CA10: variants seen among roughly 807,000 people sequenced by gnomAD.
CA10 encodes the protein carbonic anhydrase-related protein 10.
CA10 carries 14 observed loss-of-function variants against 44.2 expected under a neutral mutation model. The observed-to-expected ratio is 0.32, with a 90% CI of 0.21 to 0.50. The LOEUF (loss-of-function observed/expected upper bound fraction) is 0.50. Among genes scored for constraint, CA10 ranks in the 20% least tolerant of loss-of-function variants. The pLI, the probability that CA10 is intolerant of heterozygous loss-of-function variation, is 0.99. For missense variants in CA10, 350 were observed against 409.7 expected, an observed-to-expected ratio of 0.85 and a Z score of 1.26; for synonymous variants, 159 against 141.6, an observed-to-expected ratio of 1.12 and a Z score of -0.87.
intron 1 of CA10, among the ~76,000 whole-genome samples, chr17:52,136,872 G>A (rs1989371476): frequency 1.3e-5 from 2 of 152,058 alleles, no homozygotes; most frequent in Non-Finnish European, 2.9e-5. Context: ...AATAAATTTT[G>A]CACCTAGATT....
At chr17:51,643,422 C>T (rs930448686) in intron 6 of CA10, among the ~76,000 whole-genome samples, 3 of 152,086 alleles carry the variant, frequency 2.0e-5, no homozygotes, top group Non-Finnish European at 4.4e-5. Context: ...TAGTCTTAAC[C>T]CCCAGTCTGT....
intron 3 of CA10, among the ~76,000 whole-genome samples, chr17:51,862,087 T>C (rs776343169): frequency 5.3e-5 from 8 of 152,214 alleles, no homozygotes; most frequent in Non-Finnish European, 8.8e-5. Context: ...CTAATGCCAT[T>C]AATGTTTGCC....
chr17:51,922,774 C>A (rs1188883747), intron 3 of CA10, among the ~76,000 whole-genome samples: 2 of 152,040 alleles, frequency 1.3e-5, no homozygotes, highest in Non-Finnish European at 2.9e-5. Flanking sequence ...TAAAAATCTG[C>A]CTTTTGAAGT....
intron 3 of CA10, among the ~76,000 whole-genome samples, chr17:51,924,263 G>A (rs932625435): frequency 1.3e-4 from 20 of 152,062 alleles, no homozygotes; most frequent in Non-Finnish European, 1.8e-4. Flanking sequence ...AAGGAGAGAT[G>A]CATTCACTTT....
intron 3 of CA10, chr17:51,748,396 A>G: frequency 1.2e-6 from 1 of 827,116 alleles, no homozygotes; most frequent in Non-Finnish European, 1.5e-6. Flanking sequence ...GATTCACTCA[A>G]ACTTCCAATT....
chr17:51,649,725 G>T (rs951330970), intron 5 of CA10, among the ~76,000 whole-genome samples: 4 of 152,194 alleles, frequency 2.6e-5, no homozygotes, highest in Non-Finnish European at 4.4e-5. Context: ...TGAGGGTATG[G>T]GGAAGGATAG....
Position 51,811,820 on chromosome 17 carries a change from C to T in CA10, c.280-64002G>A, listed in dbSNP as rs567284045. Among the ~76,000 whole-genome samples, 4 of 152,270 alleles carry T rather than the reference C, an allele frequency of 2.6e-5. No homozygotes were observed. The East Asian group carries it at 7.7e-4, about 29-fold the overall frequency. On this transcript the variant is annotated intron_variant, in intron 3 of 8. Coordinates refer to ENST00000451037, the MANE Select transcript of CA10 (RefSeq NM_020178.5). ...AATGGTTTACTAATTACAGTTTTAA[C>T]CCTGCTGCATTCTTCCAGCTGTGTA...
chr17:52,135,511 T>C (rs1989336553), intron 1 of CA10, among the ~76,000 whole-genome samples: 1 of 152,194 alleles, frequency 6.6e-6, no homozygotes, highest in Non-Finnish European at 1.5e-5. Context: ...TCTCCTTTCA[T>C]GAATATTCAT....
intron 3 of CA10, among the ~76,000 whole-genome samples, chr17:51,834,732 G>A (rs1421035813): frequency 1.3e-5 from 2 of 152,160 alleles, no homozygotes; most frequent in Non-Finnish European, 2.9e-5. Flanking sequence ...CCTTGAGCAC[G>A]TTGTTGAAAT....
chr17:51,785,444 A>T (rs1386814448), intron 3 of CA10, among the ~76,000 whole-genome samples: 1 of 152,242 alleles, frequency 6.6e-6, no homozygotes, highest in Non-Finnish European at 1.5e-5. Flanking sequence ...CATCAGAGAA[A>T]TGCAAATCAA....
intron 1 of CA10, among the ~76,000 whole-genome samples, chr17:52,145,940 G>A (rs1186014107): frequency 6.6e-6 from 1 of 151,900 alleles, no homozygotes; most frequent in Non-Finnish European, 1.5e-5. Flanking sequence ...AAAAACAAAT[G>A]CCAAAAAATG....
At chr17:51,729,000 T>C (rs1335945612) in intron 4 of CA10, among the ~76,000 whole-genome samples, 1 of 152,062 alleles carries the variant, frequency 6.6e-6, no homozygotes, top group East Asian at 1.9e-4. Flanking sequence ...GGGAGGAGCA[T>C]GCTAGAGAGA....
chr17:51,672,249 C>A (rs1305346379), intron 4 of CA10, among the ~76,000 whole-genome samples: 1 of 152,212 alleles, frequency 6.6e-6, no homozygotes, highest in Non-Finnish European at 1.5e-5. Context: ...ACCACCACCA[C>A]GATGATGGCT....
chr17:51,769,977 T>A (rs1362768405), intron 3 of CA10, among the ~76,000 whole-genome samples: 1 of 152,096 alleles, frequency 6.6e-6, no homozygotes, highest in Non-Finnish European at 1.5e-5. Flanking sequence ...ACTCTGAGTC[T>A]TTTTTAGGCC....
chr17:51,819,273 G>C (rs150156961), intron 3 of CA10, among the ~76,000 whole-genome samples: 1 of 152,290 alleles, frequency 6.6e-6, no homozygotes, highest in Non-Finnish European at 1.5e-5. Flanking sequence ...GATCTCTTGT[G>C]GATGCCTTCT....
chr17:51,671,634 G>A (rs1019226148), intron 4 of CA10, among the ~76,000 whole-genome samples: 1 of 152,012 alleles, frequency 6.6e-6, no homozygotes, highest in East Asian at 1.9e-4. Flanking sequence ...TCGATCTCCT[G>A]ACTTCATGAT....
intron 3 of CA10, among the ~76,000 whole-genome samples, chr17:51,775,553 A>G (rs1905787684): frequency 6.6e-6 from 1 of 152,170 alleles, no homozygotes. Context: ...TATTCCACAC[A>G]TATTTATTGT....
chr17:52,082,995 A>G (rs972874315), intron 1 of CA10, among the ~76,000 whole-genome samples: 10 of 152,208 alleles, frequency 6.6e-5, no homozygotes, highest in Non-Finnish European at 1.5e-4. Flanking sequence ...TCAGATCCCA[A>G]GAGTACAAGT....
chr17:52,129,582 G>C (rs1271387066), intron 1 of CA10, among the ~76,000 whole-genome samples: 1 of 152,210 alleles, frequency 6.6e-6, no homozygotes, highest in Admixed American at 6.5e-5. Flanking sequence ...CTTAACCAGT[G>C]AGACTTTCTT....
Sources: gnomAD v4.1 joint callset for allele counts (sites outside exome capture counted in the v4.1 genomes callset) on GRCh38, gnomAD v4.1.1 for gene constraint, MANE v1.5 for transcripts, NCBI Gene and HGNC (gene_info 2026-07-23, HGNC 2026-07-21) for gene names.